Variants in TSC2 observed in about 807,000 individuals in gnomAD.
TSC2 encodes the protein tuberin.
A neutral mutation model predicts 202.2 loss-of-function variants in TSC2; 29 were observed. The observed-to-expected ratio is 0.14, with a 90% CI of 0.11 to 0.20. The LOEUF (loss-of-function observed/expected upper bound fraction) is 0.20. Among genes scored for constraint, TSC2 ranks in the 10% least tolerant of loss-of-function variants. The pLI is 1.00. For synonymous variants in TSC2, 1,349 were observed against 1,044.0 expected (o/e 1.29, Z -5.63); for missense variants, 2,429 against 2,420.0 (o/e 1.00, Z -0.08).
Position 2,084,686 on chromosome 16 carries a change from T to C in TSC2, c.4464T>C (p.Asn1488=). 6.3e-7 allele frequency: 1 copy of C among 1,598,426 alleles called. No homozygotes were observed. The highest frequency in any genetic ancestry group is 8.5e-7 in the Non-Finnish European group (1 of 1,179,788). ...TAAAGAGCAGAGCCACAGCCTCCAA[T>C]GCAGAGAAAGTGCCAGGCATCAACC... ...DALKSRATAS[N]AEKVPGINPS... is the part of the protein sequence containing the mutation. The change falls in exon 34 of 42, where the codon AAT becomes AAC. Residue 1488 remains asparagine (N), a synonymous_variant. Coordinates refer to ENST00000219476, the MANE Select transcript of TSC2 (RefSeq NM_000548.5).
intron 10 of TSC2, among the ~76,000 whole-genome samples, chr16:2,059,761 C>T (rs1407637265): frequency 2.6e-5 from 4 of 152,034 alleles, no homozygotes; most frequent in South Asian, 2.1e-4. Context: ...TCAGGTGATC[C>T]GCCAGCCTCA....
At position 2,075,821 on chromosome 16, in the gene TSC2, C is replaced by T. The variant is rs886038354; in HGVS notation, c.2568C>T (p.Leu856=). The T allele has an allele frequency of 6.2e-7, 1 of 1,613,000 alleles. No individual in the cohort carries two copies. The highest frequency in any genetic ancestry group is 8.5e-7 in the Non-Finnish European group (1 of 1,179,994). ...FLSTLARLPH[L]YRNFAAEQYA... Reference sequence around the variant, plus strand: ...CAGCTCTGGCCAGGCTGCCGCACCTCTACAGGAACTTTGCCGCGGAGCAGT... The same window carrying T: ...CAGCTCTGGCCAGGCTGCCGCACCTTTACAGGAACTTTGCCGCGGAGCAGT... Residue 856 remains leucine (L), a synonymous_variant, in exon 23 of 42, where the codon CTC becomes CTT. Coordinates refer to ENST00000219476, the MANE Select transcript of TSC2 (RefSeq NM_000548.5).
At position 2,071,886 on chromosome 16, in the gene TSC2, C is replaced by G. The variant is rs569518378; in HGVS notation, c.2049C>G (p.Ser683=). 3 of 1,597,428 alleles carry G rather than the reference C, an allele frequency of 1.9e-6. No individual in the cohort carries two copies. The highest frequency in any genetic ancestry group is 2.6e-6 in the Non-Finnish European group (3 of 1,172,620). ...CAGGCCCCGCCGTGCGGCTGGGGTC[C>G]GTGCCCTACTCCCTGCTCTTCCGCG... is the stretch of plus-strand genomic sequence containing the variant. The part of the protein sequence containing the change: ...APAGPAVRLG[S]VPYSLLFRVL... Residue 683 remains serine, a synonymous_variant, in exon 19 of 42, where the codon TCC becomes TCG. Transcript: ENST00000219476.
At position 2,054,044 on chromosome 16, in the gene TSC2, C is replaced by G. The variant is rs563807772; in HGVS notation, c.337-252C>G. On this transcript the variant is annotated intron_variant, in intron 4 of 41. Transcript: ENST00000219476. ...GGCAGGAGCTGTGTCATCCCCTGCT[C>G]TGCGCCACCCGCTGTGCCAGGTCCC... 3.7e-4 allele frequency: 211 copies of G among 573,096 alleles called. No homozygotes were observed. The South Asian group carries it at 4.0e-3, about 11-fold the overall frequency. 35.5% of individuals were successfully genotyped at this position (573,096 alleles called of 1,614,324 possible).
chr16:2,055,212 T>G, intron 5 of TSC2, 190 bp from the exon 6 acceptor site: 1 of 668,136 alleles, frequency 1.5e-6, no homozygotes, highest in East Asian at 2.7e-5. Flanking sequence ...TGTCCGTGCG[T>G]AGCCGGCCTG....
intron 26 of TSC2, 139 bp from the exon 27 acceptor site, chr16:2,078,893 G>C: frequency 1.8e-6 from 2 of 1,120,934 alleles, no homozygotes; most frequent in South Asian, 1.3e-5. Context: ...GCTGAGGCTC[G>C]CTGGGCCGCC....
Position 2,061,873 on chromosome 16 carries a change from C to G in TSC2, c.1122C>G (p.Thr374=), listed in dbSNP as rs1555500988. 1 of 1,614,002 alleles carries G rather than the reference C, an allele frequency of 6.2e-7. No homozygotes were observed. Among genetic ancestry groups the G allele is most frequent in the Admixed American group, 1.7e-5 (1 of 60,006 alleles). Residue 374 remains threonine, a splice_region_variant and synonymous_variant, in exon 12 of 42, where the codon ACC becomes ACG. Coordinates refer to ENST00000219476, the MANE Select transcript of TSC2 (RefSeq NM_000548.5). The stretch of plus-strand genomic sequence containing the variant: ...TGTCATCGTGCCTGGTACTGCAGAC[C>G]TTGGACAGCCCGGAGCTCAGGACCA... ...IIERLLQQLQ[T]LDSPELRTIV...
intron 31 of TSC2, 180 bp downstream of exon 31, chr16:2,081,978 C>T (rs1403582085): frequency 2.2e-6 from 2 of 893,828 alleles, no homozygotes; most frequent in South Asian, 1.5e-5. Flanking sequence ...AGGTGTCTGC[C>T]CTGCTCAGGA....
rs758114962 is a variant in TSC2 at position 2,081,629 on chromosome 16, G to A, written c.3645G>A (p.Pro1215=). The A allele has an allele frequency of 1.2e-5, 20 of 1,612,790 alleles. No individual in the cohort carries two copies. Among genetic ancestry groups the A allele is most frequent in the East Asian group, 2.2e-5 (1 of 44,898 alleles). The change falls in exon 31 of 42, where the codon CCG becomes CCA. Residue 1215 remains proline, a synonymous_variant. Coordinates refer to ENST00000219476, the MANE Select transcript of TSC2 (RefSeq NM_000548.5). ...GCTGGCTGATGAGCCTGGAGAACCC[G>A]CTCAGCCCTTTCTCCTCGGACATCA... ...NTSWLMSLEN[P]LSPFSSDINN... is the part of the protein sequence containing the mutation.
chr16:2,058,735 G>A lies in TSC2; in HGVS notation c.849-12G>A, dbSNP rs2151104844. The stretch of plus-strand genomic sequence containing the variant: ...CCTGCTCACATTCCGTCTCTCTGGG[G>A]AACACTTTTAGAGCCTACATGGAGG... On this transcript the variant is annotated splice_polypyrimidine_tract_variant and intron_variant, in intron 9 of 41. Transcript: ENST00000219476. 1 of 1,574,588 alleles carries A rather than the reference G, an allele frequency of 6.4e-7. No individual in the cohort carries two copies.
chr16:2,063,056 G>A lies in TSC2; in HGVS notation c.1443+3G>A, dbSNP rs1433599550. 3 of 1,551,482 alleles carry A rather than the reference G, an allele frequency of 1.9e-6. No homozygotes were observed. Among genetic ancestry groups the A allele is most frequent in the South Asian group, 2.4e-5 (2 of 84,062 alleles). ...TCATCAACAGGCAGTTCTATGAGGT[G>A]CGTGTCCAGGCGGCCGCAGCTGGGG... On this transcript the variant is annotated splice_donor_region_variant and intron_variant, in intron 14 of 41. Transcript: ENST00000219476.
intron 32 of TSC2, chr16:2,082,875 G>A: frequency 2.5e-6 from 1 of 405,180 alleles, no homozygotes; most frequent in Non-Finnish European, 4.7e-6. Context: ...GCCTTGCCCT[G>A]GCCTTTGGTG....
At chr16:2,065,359 G>A in intron 15 of TSC2, 160 bp from the exon 16 acceptor site, 1 of 691,716 alleles carries the variant, frequency 1.4e-6, no homozygotes, top group South Asian at 1.6e-5. Flanking sequence ...CTTGTAGTGA[G>A]CTGAGATTGT....
chr16:2,055,551 AT>A, intron 6 of TSC2, 32 bp downstream of exon 6: 7 of 1,591,754 alleles, frequency 4.4e-6, no homozygotes, highest in Non-Finnish European at 5.2e-6. Flanking sequence ...TGTTCTGATA[AT>A]GGTCCTAAGT....
chr16:2,076,436 G>T lies in TSC2; in HGVS notation c.2743-55G>T, dbSNP rs912231886. ...AGGGGGCACCCGGCAGGCCTGGTGA[G>T]GGCCTCCAGCCCCCATTGCCACCCC... On this transcript the variant is annotated intron_variant, in intron 24 of 41. Coordinates refer to ENST00000219476, the MANE Select transcript of TSC2 (RefSeq NM_000548.5). 2.5e-6 allele frequency: 4 copies of T among 1,607,704 alleles called. No individual in the cohort carries two copies. In the African/African-American group the frequency reaches 4.0e-5, roughly 16 times the overall value.
chr16:2,075,041 C>G (rs2089086429), intron 22 of TSC2: 1 of 159,966 alleles, frequency 6.3e-6, no homozygotes, highest in Admixed American at 5.8e-5. Context: ...CCTGGCGAAA[C>G]CCTGTCTCTA....
In TSC2 at chr16:2,084,260, G is replaced by A. The variant is rs756763596; in HGVS notation, c.4038G>A (p.Ser1346=). 27 of 1,606,120 alleles carry A rather than the reference G, an allele frequency of 1.7e-5. No homozygotes were observed. Among genetic ancestry groups the A allele is most frequent in the African/African-American group, 6.7e-5 (5 of 74,722 alleles). The change falls in exon 34 of 42, where the codon TCG becomes TCA. Residue 1346 remains serine (S), a synonymous_variant. Coordinates refer to ENST00000219476, the MANE Select transcript of TSC2 (RefSeq NM_000548.5). Reference sequence around the variant, plus strand: ...CAGTCTCCAGCCAGGAGGAGAAGTCGCTCCACGCGGAGGAGCTGGTTGGCA... The same window carrying A: ...CAGTCTCCAGCCAGGAGGAGAAGTCACTCCACGCGGAGGAGCTGGTTGGCA... ...SSSVSSQEEK[S]LHAEELVGRG...
rs1439192579 is a variant in TSC2 at position 2,086,180 on chromosome 16, CCT to C, written c.4663-9_4663-8del. ...GGGAGTGATGCCACCCTGCCTCTCC[CCT>C]CTCCCCACAGAGCAACAGCGAGCTC... is the stretch of plus-strand genomic sequence containing the variant. On this transcript the variant is annotated splice_polypyrimidine_tract_variant and intron_variant, in intron 36 of 41. Transcript: ENST00000219476. 6.2e-7 allele frequency: 1 copy of C among 1,611,800 alleles called. No individual in the cohort carries two copies. The highest frequency in any genetic ancestry group is 8.5e-7 in the Non-Finnish European group (1 of 1,179,288).
chr16:2,072,814 T>A, intron 20 of TSC2, 35 bp from the exon 21 acceptor site: 1 of 1,613,028 alleles, frequency 6.2e-7, no homozygotes, highest in Non-Finnish European at 8.5e-7. Context: ...ACCTGGCCGC[T>A]GGGGAGAGGT....
Sources: allele counts gnomAD v4.1 joint callset (sites outside exome capture counted in the v4.1 genomes callset), GRCh38; gene constraint gnomAD v4.1.1; transcripts MANE v1.5; gene names NCBI Gene and HGNC (gene_info 2026-07-23, HGNC 2026-07-21).